The following SOX6 variants were observed in gnomAD, a reference collection of about 807,000 sequenced individuals.
The protein encoded by SOX6 is SRY-box transcription factor 6.
A neutral mutation model predicts 97.8 loss-of-function variants in SOX6; 11 were observed. That is an observed-to-expected ratio of 0.11 (90% CI 0.07 to 0.19). The LOEUF (loss-of-function observed/expected upper bound fraction) is 0.19, where lower values mean the gene tolerates loss of function less well. SOX6 is among the 10% of genes least tolerant of loss of function. SOX6 has a pLI of 1.00. For synonymous variants in SOX6, 360 were observed against 371.4 expected, an observed-to-expected ratio of 0.97 and a Z score of 0.35; for missense variants, 810 against 1,039.5, an observed-to-expected ratio of 0.78 and a Z score of 3.04.
intron 2 of SOX6, among the ~76,000 whole-genome samples, chr11:16,723,073 C>A (rs1436887613): frequency 6.6e-6 from 1 of 152,084 alleles, no homozygotes; most frequent in African/African-American, 2.4e-5. Flanking sequence ...ATGAAATCAA[C>A]CTAATTATCC....
intron 9 of SOX6, among the ~76,000 whole-genome samples, chr11:16,080,135 T>C (rs947058192): frequency 6.7e-6 from 1 of 150,050 alleles, no homozygotes; most frequent in African/African-American, 2.5e-5. Context: ...AATAAGGCGA[T>C]AGATATGTTA....
intron 4 of SOX6, among the ~76,000 whole-genome samples, chr11:16,587,851 C>T (rs1848112451): frequency 6.6e-6 from 1 of 152,224 alleles, no homozygotes; most frequent in Admixed American, 6.5e-5. Context: ...GCACTGGCCA[C>T]TGCTGCCAGT....
At chr11:16,210,742 C>T (rs967806159) in intron 4 of SOX6, among the ~76,000 whole-genome samples, 1 of 152,172 alleles carries the variant, frequency 6.6e-6, no homozygotes, top group African/African-American at 2.4e-5. Flanking sequence ...TTTAACCAAT[C>T]GTTCAATAAA....
At chr11:16,195,921 A>G (rs576598603) in intron 4 of SOX6, among the ~76,000 whole-genome samples, 23 of 152,304 alleles carry the variant, frequency 1.5e-4, no homozygotes, top group African/African-American at 4.6e-4. Flanking sequence ...AGAGAAAGGT[A>G]TGTGGAGAAG....
chr11:16,615,111 T>C (rs1438522416), intron 3 of SOX6, among the ~76,000 whole-genome samples: 1 of 152,204 alleles, frequency 6.6e-6, no homozygotes, highest in East Asian at 1.9e-4. Flanking sequence ...CTCTTCCATT[T>C]ATGTGGAAAG....
intron 4 of SOX6, among the ~76,000 whole-genome samples, chr11:16,553,889 A>G (rs1303805966): frequency 6.6e-6 from 1 of 152,138 alleles, no homozygotes; most frequent in Admixed American, 6.6e-5. Flanking sequence ...AAGATGAAAA[A>G]TAGACCACTT....
intron 1 of SOX6, among the ~76,000 whole-genome samples, chr11:16,389,721 C>T (rs2134423175): frequency 6.6e-6 from 1 of 152,052 alleles, no homozygotes; most frequent in South Asian, 2.1e-4. Context: ...GTAATCCCAG[C>T]ACTTTGGGAG....
chr11:16,728,004 C>A (rs746132780), intron 2 of SOX6, among the ~76,000 whole-genome samples: 2 of 152,170 alleles, frequency 1.3e-5, no homozygotes, highest in Non-Finnish European at 2.9e-5. Context: ...CACCTCAGCA[C>A]CGCAAAGCCA....
chr11:16,717,953 CTTTT>C (rs36059733), intron 2 of SOX6, among the ~76,000 whole-genome samples: 2 of 134,776 alleles, frequency 1.5e-5, no homozygotes. Flanking sequence ...TCCTGTTTTT[CTTTT>C]TTTTTTTTTT....
At chr11:16,479,770 A>T (rs80288969), upstream of SOX6, among the ~76,000 whole-genome samples, 101 of 152,276 alleles carry the variant, frequency 6.6e-4, 1 homozygote, top group East Asian at 0.019. Context: ...TGGGATTATA[A>T]ATGTATGACT....
intron 2 of SOX6, among the ~76,000 whole-genome samples, chr11:16,730,029 AATAT>A (rs34591978): frequency 1.4e-5 from 2 of 142,618 alleles, no homozygotes; most frequent in Non-Finnish European, 1.5e-5. Context: ...AACTATCCTA[AATAT>A]ATATATATAT....
chr11:16,341,317 C>A, intron 1 of SOX6, 65 bp from the exon 2 acceptor site: 1 of 1,587,408 alleles, frequency 6.3e-7, no homozygotes, highest in Non-Finnish European at 8.6e-7. Flanking sequence ...CCAATCCTTG[C>A]ATTTGGCTAG....
intron 4 of SOX6, among the ~76,000 whole-genome samples, chr11:16,228,933 T>A (rs1485106382): frequency 6.6e-6 from 1 of 152,194 alleles, no homozygotes; most frequent in Non-Finnish European, 1.5e-5. Flanking sequence ...TAAAATTTTA[T>A]GAGAAACCAC....
chr11:16,010,125 TACACAC>T (rs67556517), intron 13 of SOX6, among the ~76,000 whole-genome samples: 3,388 of 135,532 alleles, frequency 0.025, 110 homozygotes, highest in African/African-American at 0.075. Context: ...CAGTTGGAGC[TACACAC>T]ACACACACAC....
chr11:16,210,768 T>C (rs1259236310), intron 4 of SOX6, among the ~76,000 whole-genome samples: 1 of 152,156 alleles, frequency 6.6e-6, no homozygotes, highest in East Asian at 1.9e-4. Context: ...TTTACCTGGG[T>C]CAGGCAGTGA....
chr11:16,381,446 A>C (rs1362844492), intron 1 of SOX6, among the ~76,000 whole-genome samples: 2 of 152,052 alleles, frequency 1.3e-5, no homozygotes, highest in East Asian at 3.8e-4. Context: ...AAAGTGTTGT[A>C]ATCTATAAAT....
chr11:15,970,919 C>T lies in SOX6; in HGVS notation c.*1890G>A, dbSNP rs1447371549. 1 of 152,580 alleles carries T rather than the reference C, an allele frequency of 6.6e-6. No homozygotes were observed. Among genetic ancestry groups the T allele is most frequent in the South Asian group, 2.1e-4 (1 of 4,828 alleles). 9.5% of individuals were successfully genotyped at this position (152,580 alleles called of 1,614,324 possible). On this transcript the variant is annotated 3_prime_UTR_variant, in exon 16 of 16. Transcript: ENST00000683767. Reference sequence around the variant, plus strand: ...CTAAACCTCTCTGGGGGAAGCCCCCCGATAGACAACCTGTCCTAGTTTCAG... The same window carrying T: ...CTAAACCTCTCTGGGGGAAGCCCCCTGATAGACAACCTGTCCTAGTTTCAG...
intron 3 of SOX6, among the ~76,000 whole-genome samples, chr11:16,263,949 T>C (rs1305756476): frequency 6.6e-6 from 1 of 151,910 alleles, no homozygotes; most frequent in African/African-American, 2.4e-5. Flanking sequence ...AAAATACTGG[T>C]CCAATGTTAT....
At chr11:15,994,070 AT>A (rs1209305794) in intron 13 of SOX6, among the ~76,000 whole-genome samples, 1 of 152,220 alleles carries the variant, frequency 6.6e-6, no homozygotes, top group Non-Finnish European at 1.5e-5. Flanking sequence ...CAGCATTGTG[AT>A]GGGGTATACA....
Sources: gnomAD v4.1 joint callset for allele counts (sites outside exome capture counted in the v4.1 genomes callset) on GRCh38, gnomAD v4.1.1 for gene constraint, MANE v1.5 for transcripts, NCBI Gene and HGNC (gene_info 2026-07-23, HGNC 2026-07-21) for gene names.